Variants in KCNJ3 observed in about 807,000 individuals in gnomAD.
The protein encoded by KCNJ3 is G protein-activated inward rectifier potassium channel 1.
A neutral mutation model predicts 39.2 loss-of-function variants in KCNJ3; 4 were observed. That is an observed-to-expected ratio of 0.10 (90% confidence interval 0.05 to 0.23). The LOEUF (loss-of-function observed/expected upper bound fraction) is 0.23, where lower values mean the gene tolerates loss of function less well. Ranked by LOEUF, KCNJ3 falls within the 10% of genes least tolerant of loss-of-function variation. KCNJ3 has a pLI of 1.00. For synonymous variants in KCNJ3, 230 were observed against 237.4 expected, an observed-to-expected ratio of 0.97 and a Z score of 0.29; for missense variants, 276 against 634.9, an observed-to-expected ratio of 0.43 and a Z score of 6.08.
chr2:154,761,912 T>G (rs1369548502), intron 2 of KCNJ3, among the ~76,000 whole-genome samples: 1 of 152,158 alleles, frequency 6.6e-6, no homozygotes, highest in Non-Finnish European at 1.5e-5. Context: ...GCAGATGTGG[T>G]TATGTTAAGT....
intron 2 of KCNJ3, among the ~76,000 whole-genome samples, chr2:154,849,872 G>T (rs1687724390): frequency 6.6e-6 from 1 of 151,946 alleles, no homozygotes; most frequent in Non-Finnish European, 1.5e-5. Context: ...AAAGGAAAAT[G>T]TCAAAAATAA....
At chr2:154,853,675 A>T (rs1687793821) in intron 2 of KCNJ3, among the ~76,000 whole-genome samples, 1 of 152,118 alleles carries the variant, frequency 6.6e-6, no homozygotes, top group Admixed American at 6.5e-5. Flanking sequence ...CTAATATGAG[A>T]CAGAAACTTG....
chr2:154,710,506 G>A lies in KCNJ3; in HGVS notation c.919+687G>A, dbSNP rs535140202. On this transcript the variant is annotated intron_variant, in intron 2 of 2. Coordinates refer to ENST00000295101, the MANE Select transcript of KCNJ3 (RefSeq NM_002239.4). Reference sequence around the variant, plus strand: ...TCTGAGGACAGTTAAGTTGACAAAGGAAATAAACAATAGTTATGAGCATAT... The same window carrying A: ...TCTGAGGACAGTTAAGTTGACAAAGAAAATAAACAATAGTTATGAGCATAT... Among the ~76,000 whole-genome samples the A allele has an allele frequency of 1.8e-4, 28 of 152,154 alleles. No individual in the cohort carries two copies. In the South Asian group the frequency reaches 5.4e-3, roughly 29 times the overall value.
chr2:154,753,542 T>TA (rs1685884814), intron 2 of KCNJ3, among the ~76,000 whole-genome samples: 1 of 152,142 alleles, frequency 6.6e-6, no homozygotes, highest in Non-Finnish European at 1.5e-5. Context: ...TTCTCATGCT[T>TA]ACTGTGTTTT....
At chr2:154,810,899 G>A (rs960629022) in intron 2 of KCNJ3, among the ~76,000 whole-genome samples, 1 of 152,080 alleles carries the variant, frequency 6.6e-6, no homozygotes, top group South Asian at 2.1e-4. Context: ...AACTTTGTCA[G>A]AATAAAGATA....
chr2:154,716,995 A>G (rs1685192115), intron 2 of KCNJ3, among the ~76,000 whole-genome samples: 2 of 152,216 alleles, frequency 1.3e-5, no homozygotes, highest in African/African-American at 2.4e-5. Context: ...AAGTATTAGC[A>G]CTGTGTACTC....
rs1686428232 is a variant in KCNJ3, at chr2:154,780,927, A to T, written c.919+71108A>T. ...CTGCGTTACTTGACAAAGGGAAATT[A>T]AGGCAGCAGAAGGAATTACAGTTGC... is the stretch of plus-strand genomic sequence containing the variant. On this transcript the variant is annotated intron_variant, in intron 2 of 2. Coordinates refer to ENST00000295101, the MANE Select transcript of KCNJ3 (RefSeq NM_002239.4). Among the ~76,000 whole-genome samples, 4 of 152,322 alleles carry T rather than the reference A, an allele frequency of 2.6e-5. No individual in the cohort carries two copies. The South Asian group carries it at 8.3e-4, about 32-fold the overall frequency.
At chr2:154,780,151 A>G (rs563077715) in intron 2 of KCNJ3, among the ~76,000 whole-genome samples, 1 of 152,298 alleles carries the variant, frequency 6.6e-6, no homozygotes, top group African/African-American at 2.4e-5. Context: ...GGAGTTTTTG[A>G]GACACACTAA....
In KCNJ3 at chr2:154,787,303, G is replaced by A. The variant is rs139651447; in HGVS notation, c.920-67424G>A. Among the ~76,000 whole-genome samples the A allele has an allele frequency of 2.6e-3, 389 of 151,902 alleles. 2 individuals carry two copies. The highest frequency in any genetic ancestry group is 9.1e-3 in the African/African-American group (379 of 41,456). Reference sequence around the variant, plus strand: ...TGGCTTTTGCTCTTAGCATTGTCTTGAAAAAATTAATTTTCAGTCTTTTTT... The same window carrying A: ...TGGCTTTTGCTCTTAGCATTGTCTTAAAAAAATTAATTTTCAGTCTTTTTT... On this transcript the variant is annotated intron_variant, in intron 2 of 2. Coordinates refer to ENST00000295101, the MANE Select transcript of KCNJ3 (RefSeq NM_002239.4).
chr2:154,789,560 A>G (rs1686590968), intron 2 of KCNJ3, among the ~76,000 whole-genome samples: 1 of 152,102 alleles, frequency 6.6e-6, no homozygotes, highest in South Asian at 2.1e-4. Context: ...AATGTTAGAT[A>G]TTATTAGCTT....
intron 1 of KCNJ3, among the ~76,000 whole-genome samples, chr2:154,702,114 G>T (rs1358051344): frequency 6.6e-6 from 1 of 151,792 alleles, no homozygotes; most frequent in South Asian, 2.1e-4. Context: ...CAAAATCTTG[G>T]CATAATAATA....
intron 2 of KCNJ3, among the ~76,000 whole-genome samples, chr2:154,828,512 T>C (rs1212236644): frequency 6.6e-6 from 1 of 152,172 alleles, no homozygotes; most frequent in Non-Finnish European, 1.5e-5. Flanking sequence ...TTGTCGAGAC[T>C]GGTCAAGAGA....
intron 1 of KCNJ3, among the ~76,000 whole-genome samples, chr2:154,700,357 A>G (rs1684866985): frequency 6.6e-6 from 1 of 152,206 alleles, no homozygotes; most frequent in African/African-American, 2.4e-5. Context: ...GCACCACCAC[A>G]AACAAGAGAA....
intron 2 of KCNJ3, among the ~76,000 whole-genome samples, chr2:154,733,937 T>C (rs1685483519): frequency 1.3e-5 from 2 of 152,116 alleles, no homozygotes; most frequent in South Asian, 2.1e-4. Flanking sequence ...TAAGTGAATA[T>C]AGACCTCAGG....
Position 154,759,211 on chromosome 2 carries a change from C to T in KCNJ3, c.919+49392C>T, listed in dbSNP as rs2921437. ...TTGAAAGTGAACAGTGCAACAACTG[C>T]TAGTGCCGGGACACTGAATTTTGTT... On this transcript the variant is annotated intron_variant, in intron 2 of 2. Coordinates refer to ENST00000295101, the MANE Select transcript of KCNJ3 (RefSeq NM_002239.4). Among the ~76,000 whole-genome samples the T allele has an allele frequency of 3.2e-3, 486 of 152,272 alleles. 7 individuals are homozygous for T. The East Asian group carries it at 0.035, about 11-fold the overall frequency.
At chr2:154,732,350 ATTTAC>A (rs1685460986) in intron 2 of KCNJ3, among the ~76,000 whole-genome samples, 1 of 151,990 alleles carries the variant, frequency 6.6e-6, no homozygotes, top group Non-Finnish European at 1.5e-5. Context: ...TTCACTTGTT[ATTTAC>A]TTTACTTCAT....
chr2:154,748,959 G>A (rs574057066), intron 2 of KCNJ3, among the ~76,000 whole-genome samples: 1 of 152,204 alleles, frequency 6.6e-6, no homozygotes, highest in South Asian at 2.1e-4. Context: ...AGTTTCAGCT[G>A]ACCTGACTTA....
In KCNJ3 at chr2:154,856,399, A is replaced by G. The variant is rs1036239973; in HGVS notation, c.*1086A>G. 4 of 152,604 alleles carry G rather than the reference A, an allele frequency of 2.6e-5. No individual in the cohort carries two copies. Among genetic ancestry groups the G allele is most frequent in the African/African-American group, 4.8e-5 (2 of 41,472 alleles). 9.5% of individuals were successfully genotyped at this position (152,604 alleles called of 1,614,324 possible). On this transcript the variant is annotated 3_prime_UTR_variant, in exon 3 of 3. Coordinates refer to ENST00000295101, the MANE Select transcript of KCNJ3 (RefSeq NM_002239.4). ...GAAATTTTGTCCATTTTAAAAACCA[A>G]TCATTTTAAGAAGACATGACAATGC...
intron 2 of KCNJ3, among the ~76,000 whole-genome samples, chr2:154,814,957 C>A (rs985584372): frequency 3.9e-5 from 6 of 152,082 alleles, no homozygotes; most frequent in African/African-American, 1.4e-4. Flanking sequence ...AGCCAGAAAG[C>A]AATTCTGGAA....
Sources: allele counts gnomAD v4.1 joint callset (sites outside exome capture counted in the v4.1 genomes callset), GRCh38; gene constraint gnomAD v4.1.1; transcripts MANE v1.5; gene names NCBI Gene and HGNC (gene_info 2026-07-23, HGNC 2026-07-21).